INPP4A: variants seen among roughly 807,000 people sequenced by gnomAD.
The protein encoded by INPP4A is inositol polyphosphate-4-phosphatase type I A.
INPP4A carries 33 observed loss-of-function variants against 119.8 expected under a neutral mutation model. That is an observed-to-expected ratio of 0.28 (90% CI 0.21 to 0.37). The LOEUF (loss-of-function observed/expected upper bound fraction) is 0.37, where lower values mean the gene tolerates loss of function less well. INPP4A is among the 10% of genes least tolerant of loss of function. The pLI, the probability that INPP4A is intolerant of heterozygous loss-of-function variation, is 1.00. For synonymous variants in INPP4A, 496 were observed against 500.7 expected, an observed-to-expected ratio of 0.99 and a Z score of 0.12; for missense variants, 956 against 1,289.9, an observed-to-expected ratio of 0.74 and a Z score of 3.97.
intron 1 of INPP4A, among the ~76,000 whole-genome samples, chr2:98,462,357 A>G (rs1395504573): frequency 6.6e-6 from 1 of 152,168 alleles, no homozygotes; most frequent in Non-Finnish European, 1.5e-5. Flanking sequence ...CTGAGATAGG[A>G]GAATCGCTTG....
intron 1 of INPP4A, among the ~76,000 whole-genome samples, chr2:98,451,642 G>A (rs906952684): frequency 2.6e-5 from 4 of 152,110 alleles, no homozygotes; most frequent in Non-Finnish European, 4.4e-5. Context: ...CCCTCACGCA[G>A]GTGGTGTCAG....
At chr2:98,519,909 C>G in intron 2 of INPP4A, 37 bp from the exon 3 acceptor site, 1 of 674,810 alleles carries the variant, frequency 1.5e-6, no homozygotes, top group East Asian at 2.8e-5. Flanking sequence ...TCTCCATCAC[C>G]GTCCCCATGG....
intron 1 of INPP4A, among the ~76,000 whole-genome samples, chr2:98,474,774 C>A (rs1351096155): frequency 6.6e-6 from 1 of 152,212 alleles, no homozygotes; most frequent in East Asian, 1.9e-4. Flanking sequence ...TAAAAAAATT[C>A]TATTTCATGG....
chr2:98,557,404 T>C (rs1184177189), intron 16 of INPP4A, among the ~76,000 whole-genome samples: 2 of 152,210 alleles, frequency 1.3e-5, no homozygotes, highest in Admixed American at 1.3e-4. Flanking sequence ...CAGGAAGCTG[T>C]TCAGTCCTCA....
intron 22 of INPP4A, among the ~76,000 whole-genome samples, chr2:98,571,349 A>C (rs1697403949): frequency 6.6e-6 from 1 of 152,204 alleles, no homozygotes; most frequent in Non-Finnish European, 1.5e-5. Flanking sequence ...TGTAGGGGAG[A>C]GGATGGGCCC....
chr2:98,531,393 G>A (rs1689185178), intron 4 of INPP4A, among the ~76,000 whole-genome samples: 2 of 152,092 alleles, frequency 1.3e-5, no homozygotes, highest in African/African-American at 4.8e-5. Context: ...AAAAATCAGA[G>A]GAGAGTAAAA....
At chr2:98,473,830 A>G (rs1028635015) in intron 1 of INPP4A, among the ~76,000 whole-genome samples, 1 of 152,224 alleles carries the variant, frequency 6.6e-6, no homozygotes, top group Admixed American at 6.5e-5. Flanking sequence ...ATTGGGGAAG[A>G]TAAGTTTATT....
At chr2:98,514,947 C>T (rs577544600) in intron 1 of INPP4A, among the ~76,000 whole-genome samples, 1 of 152,102 alleles carries the variant, frequency 6.6e-6, no homozygotes, top group South Asian at 2.1e-4. Context: ...GTACAAAACC[C>T]CAAAACTCCA....
chr2:98,446,232 C>G (rs575912141), intron 1 of INPP4A, among the ~76,000 whole-genome samples: 1 of 152,368 alleles, frequency 6.6e-6, no homozygotes, highest in South Asian at 2.1e-4. Flanking sequence ...GAATTGCTTG[C>G]TATAGGTTGT....
chr2:98,471,608 A>G (rs1000304411), intron 1 of INPP4A, among the ~76,000 whole-genome samples: 2 of 152,178 alleles, frequency 1.3e-5, no homozygotes, highest in Admixed American at 6.5e-5. Flanking sequence ...ACCAAGGTCA[A>G]CGCTCAGTGT....
chr2:98,472,608 C>A (rs1034416239), intron 1 of INPP4A, among the ~76,000 whole-genome samples: 5 of 152,244 alleles, frequency 3.3e-5, no homozygotes, highest in Non-Finnish European at 5.9e-5. Flanking sequence ...GAGGGAGAGG[C>A]CACAGCACAT....
At chr2:98,533,945 C>G (rs1420733125) in intron 5 of INPP4A, among the ~76,000 whole-genome samples, 1 of 152,114 alleles carries the variant, frequency 6.6e-6, no homozygotes, top group African/African-American at 2.4e-5. Flanking sequence ...GTTAACTTTT[C>G]CCACTAAGTT....
rs186980726 is a variant in INPP4A, at chr2:98,555,077, A to T, written c.1567-476A>T. Among the ~76,000 whole-genome samples, 6 of 152,312 alleles carry T rather than the reference A, an allele frequency of 3.9e-5. No individual in the cohort carries two copies. The East Asian group carries it at 1.2e-3, about 29-fold the overall frequency. On this transcript the variant is annotated intron_variant, in intron 15 of 24. Transcript: ENST00000409851. The stretch of plus-strand genomic sequence containing the variant: ...TTGTTCTACAAGCACTGAACTATTA[A>T]TCAGCAGCAAAGTCCCATCCTATAC...
intron 23 of INPP4A, 39 bp from the exon 24 acceptor site, chr2:98,576,950 A>G: frequency 6.3e-7 from 1 of 1,588,698 alleles, no homozygotes; most frequent in Non-Finnish European, 8.6e-7. Context: ...CTTTCTGTGG[A>G]GCCTCGCCTC....
intron 14 of INPP4A, among the ~76,000 whole-genome samples, chr2:98,553,839 T>C (rs981098297): frequency 1.3e-5 from 2 of 152,074 alleles, no homozygotes; most frequent in East Asian, 3.9e-4. Context: ...AACCCAGAAC[T>C]TGAGGTATTA....
intron 1 of INPP4A, among the ~76,000 whole-genome samples, chr2:98,480,009 C>T (rs1287280388): frequency 1.3e-5 from 2 of 152,244 alleles, no homozygotes; most frequent in Non-Finnish European, 2.9e-5. Context: ...GTCCTGCCCC[C>T]AGGGAGTGCT....
intron 13 of INPP4A, among the ~76,000 whole-genome samples, chr2:98,551,654 TGTG>T (rs965060680): frequency 1.2e-4 from 18 of 152,152 alleles, no homozygotes; most frequent in African/African-American, 4.1e-4. Flanking sequence ...TGATGGAGGA[TGTG>T]GTGAGAGGTG....
At position 98,536,012 on chromosome 2, in the gene INPP4A, G is replaced by C. The variant is rs964704259; in HGVS notation, c.388-117G>C. ...TGTTAAGCTTTCCCATTGGGCTTCT[G>C]ACATAAGGGTAAGAGGTGTTGTGGG... On this transcript the variant is annotated intron_variant, in intron 6 of 24. Coordinates refer to ENST00000409851, the MANE Select transcript of INPP4A (RefSeq NM_001134225.2). 4 of 734,054 alleles carry C rather than the reference G, an allele frequency of 5.4e-6. No individual in the cohort carries two copies. In the African/African-American group the frequency reaches 7.1e-5, roughly 13 times the overall value. 45.5% of individuals were successfully genotyped at this position (734,054 alleles called of 1,614,324 possible). A position where few individuals can be genotyped will look rare whatever the true frequency, so the allele number is the denominator to read the frequency against.
rs1700218131 is a variant in INPP4A, at chr2:98,589,351, C to T, written c.*1743C>T. 1 of 185,298 alleles carries T rather than the reference C, an allele frequency of 5.4e-6. No homozygotes were observed. The highest frequency in any genetic ancestry group is 2.0e-4 in the South Asian group (1 of 5,118). The allele number at this position is 185,298 out of a possible 1,614,324, so 11.5% of individuals were successfully genotyped here. A position where few individuals can be genotyped will look rare whatever the true frequency, so the allele number is the denominator to read the frequency against. On this transcript the variant is annotated 3_prime_UTR_variant, in exon 25 of 25. Transcript: ENST00000409851. ...ATTTACCCTTTCACCTCTCCACCATCTCATTTAATTTGTAAATTTTTAGTT... is the reference window on the plus strand; with the variant it reads ...ATTTACCCTTTCACCTCTCCACCATTTCATTTAATTTGTAAATTTTTAGTT...
Sources: gnomAD v4.1 joint callset for allele counts (sites outside exome capture counted in the v4.1 genomes callset) on GRCh38, gnomAD v4.1.1 for gene constraint, MANE v1.5 for transcripts, NCBI Gene and HGNC (gene_info 2026-07-23, HGNC 2026-07-21) for gene names.